MEIS2: variants seen among roughly 807,000 people sequenced by gnomAD.
MEIS2 encodes the protein Meis homeobox 2, also known as homeobox protein Meis2.
A neutral mutation model predicts 58.6 loss-of-function variants in MEIS2; 9 were observed. The observed-to-expected ratio is 0.15, with a 90% CI of 0.09 to 0.27. The LOEUF is 0.27. Ranked by LOEUF, MEIS2 falls within the 10% of genes least tolerant of loss-of-function variation. MEIS2 has a pLI of 1.00. For synonymous variants in MEIS2, 221 were observed against 228.4 expected, an observed-to-expected ratio of 0.97 and a Z score of 0.29; for missense variants, 427 against 635.0, an observed-to-expected ratio of 0.67 and a Z score of 3.52.
chr15:36,929,066 A>G (rs2057864584), intron 9 of MEIS2, among the ~76,000 whole-genome samples: 1 of 152,240 alleles, frequency 6.6e-6, no homozygotes, highest in Non-Finnish European at 1.5e-5. Context: ...GTCTTCCTCA[A>G]TAGACTGGAA....
intron 6 of MEIS2, among the ~76,000 whole-genome samples, chr15:37,085,522 A>G (rs535996352): frequency 7.5e-4 from 115 of 152,320 alleles, no homozygotes; most frequent in African/African-American, 2.7e-3. Flanking sequence ...GTGAATTAAT[A>G]TTTGGCATTT....
At chr15:36,946,670 A>G (rs543443362) in intron 9 of MEIS2, among the ~76,000 whole-genome samples, 2 of 151,984 alleles carry the variant, frequency 1.3e-5, no homozygotes, top group African/African-American at 4.8e-5. Context: ...GCTATCTTAC[A>G]TGCCAGCACC....
chr15:36,999,282 CA>C (rs2060639733), intron 8 of MEIS2, among the ~76,000 whole-genome samples: 1 of 152,126 alleles, frequency 6.6e-6, no homozygotes, highest in African/African-American at 2.4e-5. Flanking sequence ...GGGCATACAG[CA>C]AGGAACCAAA....
intron 8 of MEIS2, among the ~76,000 whole-genome samples, chr15:37,030,949 ATT>A: frequency 6.6e-6 from 1 of 152,286 alleles, no homozygotes; most frequent in Non-Finnish European, 1.5e-5. Flanking sequence ...CATATTTGGG[ATT>A]TGTTTGGCAA....
chr15:37,004,400 C>G (rs894550125), intron 8 of MEIS2, among the ~76,000 whole-genome samples: 3 of 152,200 alleles, frequency 2.0e-5, no homozygotes, highest in Non-Finnish European at 4.4e-5. Context: ...CACAAAACAG[C>G]CTGAGCAGGT....
chr15:36,897,034 C>A (rs550530486), intron 9 of MEIS2: 63 of 212,258 alleles, frequency 3.0e-4, no homozygotes, highest in Non-Finnish European at 5.1e-4. Flanking sequence ...CCTAGACTCC[C>A]CGTGATAGGG....
intron 9 of MEIS2, among the ~76,000 whole-genome samples, chr15:36,902,121 T>G (rs2056506044): frequency 6.6e-6 from 1 of 152,200 alleles, no homozygotes; most frequent in South Asian, 2.1e-4. Flanking sequence ...GTATGCAAGA[T>G]CCTTAGCACA....
chr15:36,947,281 T>G (rs2058601794), intron 9 of MEIS2, among the ~76,000 whole-genome samples: 1 of 152,030 alleles, frequency 6.6e-6, no homozygotes. Flanking sequence ...TACTCCCTAC[T>G]GTAAATACAC....
chr15:36,938,909 G>A (rs1205186044), intron 9 of MEIS2, among the ~76,000 whole-genome samples: 3 of 152,158 alleles, frequency 2.0e-5, no homozygotes, highest in Non-Finnish European at 2.9e-5. Flanking sequence ...ACACTGCATC[G>A]TCTTTTGTCA....
At chr15:36,968,203 C>T (rs2059418143) in intron 8 of MEIS2, among the ~76,000 whole-genome samples, 1 of 152,124 alleles carries the variant, frequency 6.6e-6, no homozygotes, top group Admixed American at 6.5e-5. Flanking sequence ...TCTTCAAGAT[C>T]CAGCTTCTTG....
In MEIS2 at chr15:37,004,039, G is replaced by A. The variant is rs1305999695; in HGVS notation, c.900+32775C>T. Among the ~76,000 whole-genome samples the A allele has an allele frequency of 2.6e-5, 4 of 152,306 alleles. No individual in the cohort carries two copies. The East Asian group carries it at 7.7e-4, about 29-fold the overall frequency. ...TGTTACAGCAGCCAAAAATGACTGA[G>A]ATGAAATGTAAATGAGCAATTAAAA... On this transcript the variant is annotated intron_variant, in intron 8 of 11. Coordinates refer to ENST00000561208, the MANE Select transcript of MEIS2 (RefSeq NM_170675.5).
intron 8 of MEIS2, among the ~76,000 whole-genome samples, chr15:37,003,067 C>A (rs534774816): frequency 6.6e-6 from 1 of 152,210 alleles, no homozygotes; most frequent in South Asian, 2.1e-4. Flanking sequence ...TGCAGGACAG[C>A]CTTGAGCATT....
chr15:36,903,100 C>A (rs1450417), intron 9 of MEIS2, among the ~76,000 whole-genome samples: 93,756 of 151,926 alleles, frequency 0.62, 30,526 homozygotes, highest in Non-Finnish European at 0.72. Flanking sequence ...GAGAAATTTC[C>A]CCTCAGATAG....
chr15:37,034,725 A>G (rs1287277734), intron 8 of MEIS2, among the ~76,000 whole-genome samples: 1 of 152,186 alleles, frequency 6.6e-6, no homozygotes, highest in East Asian at 1.9e-4. Flanking sequence ...ACAAGAAAAG[A>G]AAACAGCACT....
chr15:36,989,981 G>GCAC (rs2060215308), intron 8 of MEIS2, among the ~76,000 whole-genome samples: 1 of 152,138 alleles, frequency 6.6e-6, no homozygotes, highest in Admixed American at 6.5e-5. Flanking sequence ...GTCTCACTCT[G>GCAC]TCGCCCAGGC....
intron 8 of MEIS2, among the ~76,000 whole-genome samples, chr15:36,998,494 T>C (rs947171507): frequency 6.6e-6 from 1 of 152,116 alleles, no homozygotes; most frequent in African/African-American, 2.4e-5. Context: ...GTGCTGAGAT[T>C]ACAGACATGA....
chr15:36,968,997 T>A (rs1003731536), intron 8 of MEIS2, among the ~76,000 whole-genome samples: 1 of 152,162 alleles, frequency 6.6e-6, no homozygotes, highest in Non-Finnish European at 1.5e-5. Context: ...AAACCGGCCA[T>A]CATTTAGTTC....
chr15:36,901,301 C>A (rs2056458186), intron 9 of MEIS2: 1 of 152,208 alleles, frequency 6.6e-6, no homozygotes, highest in Admixed American at 6.5e-5. Flanking sequence ...TCAAATTTCT[C>A]CATGTTTTCT....
intron 7 of MEIS2, among the ~76,000 whole-genome samples, chr15:37,065,282 T>C (rs1195018519): frequency 6.6e-6 from 1 of 152,172 alleles, no homozygotes; most frequent in Non-Finnish European, 1.5e-5. Flanking sequence ...GGCACTGAGA[T>C]ACATTTCTGG....
Sources: gnomAD v4.1 joint callset for allele counts (sites outside exome capture counted in the v4.1 genomes callset) on GRCh38, gnomAD v4.1.1 for gene constraint, MANE v1.5 for transcripts, NCBI Gene and HGNC (gene_info 2026-07-23, HGNC 2026-07-21) for gene names.